Variants in DDR1 observed in about 807,000 individuals in gnomAD.
DDR1 encodes epithelial discoidin domain-containing receptor 1.
DDR1 carries 64 observed loss-of-function variants against 97.4 expected under a neutral mutation model. That is an observed-to-expected ratio of 0.66 (90% confidence interval 0.54 to 0.81). The LOEUF (loss-of-function observed/expected upper bound fraction) is 0.81, where lower values mean the gene tolerates loss of function less well. Among genes scored for constraint, DDR1 ranks in the 30% least tolerant of loss-of-function variants. The pLI is 0.00. For synonymous variants in DDR1, 458 were observed against 503.7 expected (o/e 0.91, Z 1.21); for missense variants, 990 against 1,259.6 (o/e 0.79, Z 3.24).
At position 30,899,322 on chromosome 6, in the gene DDR1, CAG is replaced by C. The variant is rs1415865609; in HGVS notation, c.*27_*28del. 3 of 1,594,122 alleles carry C rather than the reference CAG, an allele frequency of 1.9e-6. No individual in the cohort carries two copies. The highest frequency in any genetic ancestry group is 2.7e-5 in the African/African-American group (2 of 74,588). ...ATCACACATCCAGCTGCCCCTCCCT[CAG>C]GGAGCGATCCAGGGGAAGCCAGTGA... On this transcript the variant is annotated 3_prime_UTR_variant, in exon 18 of 18. Coordinates refer to ENST00000376568, the MANE Select transcript of DDR1 (RefSeq NM_001297654.2).
chr6:30,893,503 G>T (rs551974041), intron 10 of DDR1, 80 bp downstream of exon 10: 1 of 1,516,242 alleles, frequency 6.6e-7, no homozygotes, highest in Non-Finnish European at 8.8e-7. Flanking sequence ...GACCTGCAGG[G>T]CACAGCCCAC....
rs1792126959 is a variant in DDR1, at chr6:30,899,277, A to T, written c.2723A>T (p.Asp908Val). The T allele has an allele frequency of 6.2e-7, 1 of 1,613,292 alleles. No individual in the cohort carries two copies. Among genetic ancestry groups the T allele is most frequent in the Non-Finnish European group, 8.5e-7 (1 of 1,179,524 alleles). Residue 908 changes from aspartate to valine, a missense_variant, in exon 18 of 18, where the codon GAT becomes GTT. Asp to Val is a radical substitution (Grantham distance 152). Transcript: ENST00000376568. ...CAGCTGCATCGGTTCCTGGCAGAGG[A>T]TGCACTCAACACGGTGTGAATCACA... ...FSQLHRFLAEDALNTV is the reference protein window; with the variant it reads ...FSQLHRFLAEVALNTV
In DDR1 at chr6:30,892,537, T is replaced by TC; in HGVS notation, c.1095dup (p.Ser366LeufsTer2). 1 of 1,588,868 alleles carries TC rather than the reference T, an allele frequency of 6.3e-7. No individual in the cohort carries two copies. ...TTACTCTTCAGCGAAATCTCCTTCA[T>TC]CTCTGGTAAGCCCTGGAGTAGCCCA... On this transcript the variant is annotated frameshift_variant, in exon 8 of 18. Coordinates refer to ENST00000376568, the MANE Select transcript of DDR1 (RefSeq NM_001297654.2). LOFTEE classifies it high-confidence loss of function.
At chr6:30,893,202 CT>C (rs1338475871) in intron 9 of DDR1, 39 bp downstream of exon 9, 1 of 1,596,982 alleles carries the variant, frequency 6.3e-7, no homozygotes, top group Non-Finnish European at 8.5e-7. Flanking sequence ...CCTCTGCACC[CT>C]TCTCCCTGGG....
Position 30,894,766 on chromosome 6 carries a change from T to A in DDR1, c.1513+95T>A. 7.4e-7 allele frequency: 1 copy of A among 1,353,784 alleles called. No individual in the cohort carries two copies. The highest frequency in any genetic ancestry group is 9.9e-7 in the Non-Finnish European group (1 of 1,008,592). The allele number at this position is 1,353,784 out of a possible 1,614,324, so 83.9% of individuals were successfully genotyped here. ...TCTCTTTTTTTCCTGTCTTCCCCAG[T>A]TTCCACTTGTTTTCTTCTTTCTGTG... On this transcript the variant is annotated intron_variant, in intron 11 of 17. Coordinates refer to ENST00000376568, the MANE Select transcript of DDR1 (RefSeq NM_001297654.2). The surrounding 1 kb of genome is among the most constrained non-coding windows in gnomAD (Gnocchi z 5.7).
At position 30,899,240 on chromosome 6, in the gene DDR1, C is replaced by T. The variant is rs2150485361; in HGVS notation, c.2686C>T (p.Pro896Ser). ...RCWSRESEQR[P>S]PFSQLHRFLA... ...CTGGAGCCGGGAGTCTGAGCAGCGACCACCCTTTTCCCAGCTGCATCGGTT... is the reference window on the plus strand; with the variant it reads ...CTGGAGCCGGGAGTCTGAGCAGCGATCACCCTTTTCCCAGCTGCATCGGTT... Residue 896 changes from proline to serine, a missense_variant, in exon 18 of 18, where the codon CCA becomes TCA. Physicochemically the swap from Pro to Ser is moderately conservative, Grantham distance 74. Coordinates refer to ENST00000376568, the MANE Select transcript of DDR1 (RefSeq NM_001297654.2). 6.2e-7 allele frequency: 1 copy of T among 1,614,200 alleles called. No individual in the cohort carries two copies. Among genetic ancestry groups the T allele is most frequent in the Non-Finnish European group, 8.5e-7 (1 of 1,180,016 alleles).
chr6:30,889,258 A>G lies in DDR1; in HGVS notation c.245A>G (p.Lys82Arg). The G allele has an allele frequency of 6.2e-7, 1 of 1,612,970 alleles. No homozygotes were observed. The highest frequency in any genetic ancestry group is 8.5e-7 in the Non-Finnish European group (1 of 1,179,986). ...TGCCCCGCAGGGTCGGTGTTTCCCA[A>G]GGAGGAGGAGTACTTGCAGGTGGAT... ...AWCPAGSVFP[K>R]EEEYLQVDLQ... Residue 82 changes from lysine (K) to arginine (R), a missense_variant, in exon 4 of 18, where the codon AAG becomes AGG. Transcript: ENST00000376568. The surrounding 1 kb of genome is among the most constrained non-coding windows in gnomAD (Gnocchi z 4.9).
intron 9 of DDR1, 34 bp from the exon 10 acceptor site, chr6:30,893,238 C>T: frequency 6.3e-7 from 1 of 1,598,514 alleles, no homozygotes; most frequent in Non-Finnish European, 8.5e-7. Flanking sequence ...AGGGTGGGAC[C>T]CTCCTGTGGT....
intron 12 of DDR1, among the ~76,000 whole-genome samples, chr6:30,895,791 C>T (rs367690367): frequency 2.6e-5 from 4 of 152,208 alleles, no homozygotes; most frequent in Non-Finnish European, 4.4e-5. Context: ...CAGAGCTAGA[C>T]AGGAGGTTGC....
chr6:30,884,365 G>A (rs925632947), upstream of DDR1: 4 of 150,636 alleles, frequency 2.7e-5, no homozygotes, highest in African/African-American at 9.7e-5. The surrounding 1 kb of genome is among the most constrained non-coding windows in gnomAD (Gnocchi z 6.1). Context: ...GAGCCACTGG[G>A]ACTACTGGGT....
intron 1 of DDR1, chr6:30,885,242 G>A (rs1419123334): frequency 2.0e-6 from 3 of 1,532,954 alleles, no homozygotes; most frequent in South Asian, 1.2e-5. Context: ...GTGAGCGCCA[G>A]CTTCAGGGTC....
intron 7 of DDR1, 37 bp downstream of exon 7, chr6:30,892,225 C>G: frequency 6.2e-7 from 1 of 1,610,508 alleles, no homozygotes; most frequent in Non-Finnish European, 8.5e-7. Flanking sequence ...GCTCTGAAGC[C>G]ATGCAGGGTG....
rs1442126592 is a variant in DDR1 at position 30,900,022 on chromosome 6, T to A, written c.*726T>A. The stretch of plus-strand genomic sequence containing the variant: ...CTCTAGTGTAGCTGCCACATTGATT[T>A]TTCTATAATCACTTGGGGTTTGTAC... On this transcript the variant is annotated 3_prime_UTR_variant, in exon 18 of 18. Transcript: ENST00000376568. The A allele has an allele frequency of 1.7e-6, 1 of 595,098 alleles. No homozygotes were observed. The highest frequency in any genetic ancestry group is 1.4e-5 in the South Asian group (1 of 72,166). 36.9% of individuals were successfully genotyped at this position (595,098 alleles called of 1,614,324 possible).
chr6:30,899,631 C>G lies in DDR1; in HGVS notation c.*335C>G, dbSNP rs1368951849. 1 of 416,778 alleles carries G rather than the reference C, an allele frequency of 2.4e-6. No homozygotes were observed. Among genetic ancestry groups the G allele is most frequent in the Non-Finnish European group, 4.3e-6 (1 of 231,458 alleles). 25.8% of individuals were successfully genotyped at this position (416,778 alleles called of 1,614,324 possible). A position where few individuals can be genotyped will look rare whatever the true frequency, so the allele number is the denominator to read the frequency against. The stretch of plus-strand genomic sequence containing the variant: ...ATATAGGATAGACACTGGACATGGC[C>G]CATTGGAGCACCTGGGCCCCACTGG... On this transcript the variant is annotated 3_prime_UTR_variant, in exon 18 of 18. Transcript: ENST00000376568.
chr6:30,892,997 C>A, intron 8 of DDR1, 71 bp from the exon 9 acceptor site: 2 of 1,323,374 alleles, frequency 1.5e-6, no homozygotes, highest in African/African-American at 1.4e-5. Context: ...GCACAACAGT[C>A]CACTGCCTCT....
chr6:30,885,987 C>T (rs892257915), intron 1 of DDR1, among the ~76,000 whole-genome samples: 38 of 152,172 alleles, frequency 2.5e-4, no homozygotes, highest in African/African-American at 8.2e-4. Context: ...GTCTTCTGGG[C>T]TTGTCCTCTC....
Position 30,888,737 on chromosome 6 carries a change from C to T in DDR1, c.8C>T (p.Pro3Leu). 6.2e-7 allele frequency: 1 copy of T among 1,612,892 alleles called. No homozygotes were observed. Among genetic ancestry groups the T allele is most frequent in the Non-Finnish European group, 8.5e-7 (1 of 1,179,996 alleles). The change falls in exon 2 of 18, where the codon CCA (proline) becomes CTA (leucine). Residue 3 changes from proline to leucine, a missense_variant. Physicochemically the swap from Pro to Leu is moderately conservative, Grantham distance 98. Coordinates refer to ENST00000376568, the MANE Select transcript of DDR1 (RefSeq NM_001297654.2). This position sits in a 1 kb window ranked among gnomAD's most constrained non-coding sequence, Gnocchi z 4.2. Reference sequence around the variant, plus strand: ...CCCGAGGGATCAGGAGCTATGGGACCAGAGGCCCTGTCATCTTTACTGCTG... The same window carrying T: ...CCCGAGGGATCAGGAGCTATGGGACTAGAGGCCCTGTCATCTTTACTGCTG... MG[P>L]EALSSLLLLL...
chr6:30,886,333 G>A lies in DDR1; in HGVS notation c.-43+1623G>A, dbSNP rs1051578448. Among the ~76,000 whole-genome samples, 3 of 152,084 alleles carry A rather than the reference G, an allele frequency of 2.0e-5. No homozygotes were observed. Among genetic ancestry groups the A allele is most frequent in the Admixed American group, 6.5e-5 (1 of 15,274 alleles). On this transcript the variant is annotated intron_variant, in intron 1 of 17. Coordinates refer to ENST00000376568, the MANE Select transcript of DDR1 (RefSeq NM_001297654.2). This position sits in a 1 kb window ranked among gnomAD's most constrained non-coding sequence, Gnocchi z 4.6. ...CCCGAGAGAGGTGGGGTTGGAGAGC[G>A]GCACCCAGGAATTCCAAGCCAGTCT... is the stretch of plus-strand genomic sequence containing the variant.
At position 30,899,229 on chromosome 6, in the gene DDR1, C is replaced by T. The variant is rs1191910036; in HGVS notation, c.2675C>T (p.Ser892Phe). 6.2e-7 allele frequency: 1 copy of T among 1,614,206 alleles called. No homozygotes were observed. ...ATGCTTCGGTGCTGGAGCCGGGAGT[C>T]TGAGCAGCGACCACCCTTTTCCCAG... is the stretch of plus-strand genomic sequence containing the variant. ...ELMLRCWSRE[S>F]EQRPPFSQLH... The change falls in exon 18 of 18, where the codon TCT becomes TTT. Residue 892 changes from serine to phenylalanine, a missense_variant. Transcript: ENST00000376568.
Sources: allele counts gnomAD v4.1 joint callset (sites outside exome capture counted in the v4.1 genomes callset), GRCh38; gene constraint gnomAD v4.1.1; non-coding constraint Gnocchi (gnomAD v3.1); transcripts MANE v1.5; gene names NCBI Gene and HGNC (gene_info 2026-07-23, HGNC 2026-07-21).